LAMB1: variants seen among roughly 807,000 people sequenced by gnomAD.
LAMB1 encodes the protein laminin subunit beta-1.
In LAMB1, 121 loss-of-function variants were observed where a neutral mutation model predicts 222.3. That is an observed-to-expected ratio of 0.54 (90% CI 0.47 to 0.63). The LOEUF (loss-of-function observed/expected upper bound fraction) is 0.63, where lower values mean the gene tolerates loss of function less well. Ranked by LOEUF, LAMB1 falls within the 30% of genes least tolerant of loss-of-function variation. LAMB1 has a pLI of 0.00. For missense variants in LAMB1, 2,172 were observed against 2,240.8 expected, an observed-to-expected ratio of 0.97 and a Z score of 0.62; for synonymous variants, 794 against 807.2, an observed-to-expected ratio of 0.98 and a Z score of 0.28.
At chr7:107,994,224 G>A (rs1190684387) in intron 5 of LAMB1, among the ~76,000 whole-genome samples, 1 of 152,122 alleles carries the variant, frequency 6.6e-6, no homozygotes, top group Non-Finnish European at 1.5e-5. Flanking sequence ...AGAAACAAAG[G>A]GACTTTGTAC....
Position 107,960,581 on chromosome 7 carries a change from G to A in LAMB1, c.2178C>T (p.Val726=). The A allele has an allele frequency of 6.2e-7, 1 of 1,614,182 alleles. No homozygotes were observed. ...GAAAGGTTTCCCAGGCACTGTTGGT[G>A]ACCACCCCATCTCCTGAACCTCCCA... ...FTVGGSGDGV[V]TNSAWETFQR... is the part of the protein sequence containing the mutation. The change falls in exon 18 of 34, where the codon GTC becomes GTT. Residue 726 remains valine (V), a synonymous_variant. Transcript: ENST00000222399.
chr7:107,960,187 T>C (rs1185581833), intron 18 of LAMB1, among the ~76,000 whole-genome samples: 1 of 152,200 alleles, frequency 6.6e-6, no homozygotes, highest in Non-Finnish European at 1.5e-5. Flanking sequence ...CTACCCTGCT[T>C]ATGGAAATGC....
At chr7:107,955,167 G>A (rs3735600) in intron 21 of LAMB1, among the ~76,000 whole-genome samples, 1 of 152,140 alleles carries the variant, frequency 6.6e-6, no homozygotes, top group Non-Finnish European at 1.5e-5. Context: ...AAGAAAGGCA[G>A]GAGTAAAACT....
intron 12 of LAMB1, among the ~76,000 whole-genome samples, chr7:107,974,023 T>G (rs1027690852): frequency 1.3e-5 from 2 of 152,146 alleles, no homozygotes; most frequent in African/African-American, 4.8e-5. Flanking sequence ...GCATTCCTCC[T>G]GCCTTGGCCA....
intron 4 of LAMB1, among the ~76,000 whole-genome samples, chr7:107,997,610 CTTAT>C (rs947059345): frequency 1.3e-5 from 2 of 152,048 alleles, no homozygotes; most frequent in East Asian, 3.8e-4. Flanking sequence ...TTTGAGGATA[CTTAT>C]TTATTTATTT....
chr7:107,975,483 A>G lies in LAMB1; in HGVS notation c.1190-70T>C, dbSNP rs1381724082. The G allele has an allele frequency of 3.5e-6, 5 of 1,415,554 alleles. No homozygotes were observed. The Admixed American group carries it at 9.8e-5, about 28-fold the overall frequency. The allele number at this position is 1,415,554 out of a possible 1,614,324, so 87.7% of individuals were successfully genotyped here. A position where few individuals can be genotyped will look rare whatever the true frequency, so the allele number is the denominator to read the frequency against. ...AATGTATCTTTGTATAAATACATATATTCCCTTCCTCCCTCTAAATCTCAC... is the reference window on the plus strand; with the variant it reads ...AATGTATCTTTGTATAAATACATATGTTCCCTTCCTCCCTCTAAATCTCAC... On this transcript the variant is annotated intron_variant, in intron 10 of 33. Transcript: ENST00000222399.
chr7:107,977,494 C>T (rs1286996540), intron 9 of LAMB1, among the ~76,000 whole-genome samples: 2 of 152,136 alleles, frequency 1.3e-5, no homozygotes, highest in African/African-American at 4.8e-5. Context: ...GTCATCTTGC[C>T]TTAAAAACAG....
chr7:107,971,066 T>G (rs2033739457), intron 13 of LAMB1, among the ~76,000 whole-genome samples: 1 of 152,162 alleles, frequency 6.6e-6, no homozygotes, highest in Non-Finnish European at 1.5e-5. Flanking sequence ...AGGTTAGTTG[T>G]CAATATAATA....
rs187275622 is a variant in LAMB1 at position 107,935,332 on chromosome 7, G to A, written c.4188+83C>T. ...AATTATTGTAATAATGACAAAAGAT[G>A]GTTTGTTTTTCTTTGTTTTTTTTTT... is the stretch of plus-strand genomic sequence containing the variant. On this transcript the variant is annotated intron_variant, in intron 27 of 33. Coordinates refer to ENST00000222399, the MANE Select transcript of LAMB1 (RefSeq NM_002291.3). 1.1e-4 allele frequency: 171 copies of A among 1,506,662 alleles called. No individual in the cohort carries two copies. The African/African-American group carries it at 2.2e-3, about 20-fold the overall frequency. The allele number at this position is 1,506,662 out of a possible 1,614,324, so 93.3% of individuals were successfully genotyped here. A position where few individuals can be genotyped will look rare whatever the true frequency, so the allele number is the denominator to read the frequency against.
Position 107,972,128 on chromosome 7 carries a change from G to A in LAMB1, c.1562+864C>T, listed in dbSNP as rs535627869. On this transcript the variant is annotated intron_variant, in intron 13 of 33. Transcript: ENST00000222399. The stretch of plus-strand genomic sequence containing the variant: ...CACCGGATTTCAGAGGCTACATGCT[G>A]TACTGGGTCTATGGCACGACCTCGA... 1.5e-3 allele frequency among the ~76,000 whole-genome samples: 224 copies of A among 152,328 alleles called. 1 individual carries two copies. The highest frequency in any genetic ancestry group is 5.1e-3 in the African/African-American group (210 of 41,570).
chr7:107,990,950 T>C (rs1328607583), intron 5 of LAMB1, among the ~76,000 whole-genome samples: 1 of 152,238 alleles, frequency 6.6e-6, no homozygotes, highest in Non-Finnish European at 1.5e-5. Context: ...AATGCTGACA[T>C]CAACAGAGCC....
rs1475836262 is a variant in LAMB1, at chr7:107,924,395, G to A, written c.5065-6C>T. On this transcript the variant is annotated splice_region_variant and splice_polypyrimidine_tract_variant and intron_variant, in intron 32 of 33. Coordinates refer to ENST00000222399, the MANE Select transcript of LAMB1 (RefSeq NM_002291.3). Reference sequence around the variant, plus strand: ...TCAAGTTCACCATCTAAAGTCTATAGTTCCACATTTAGACAGAAAGAAGTG... The same window carrying A: ...TCAAGTTCACCATCTAAAGTCTATAATTCCACATTTAGACAGAAAGAAGTG... 6.3e-7 allele frequency: 1 copy of A among 1,593,002 alleles called. No homozygotes were observed. The highest frequency in any genetic ancestry group is 8.6e-7 in the Non-Finnish European group (1 of 1,167,684).
At chr7:107,983,059 C>A (rs1396583261) in intron 7 of LAMB1, among the ~76,000 whole-genome samples, 2 of 152,194 alleles carry the variant, frequency 1.3e-5, no homozygotes, top group East Asian at 3.9e-4. Context: ...CATTTTGAGA[C>A]ATGCAGGAAA....
In LAMB1 at chr7:107,940,307, G is replaced by T; in HGVS notation, c.3443C>A (p.Thr1148Lys). ...GIETPQCDQS[T>K]GQCVCVEGVE... ...ACCCTCAACGCAGACACACTGGCCC[G>T]TGGACTGGTCACACTGTGGCGTCTC... Residue 1148 changes from threonine (T) to lysine (K), a missense_variant, in exon 25 of 34, where the codon ACG (threonine) becomes AAG (lysine). Thr to Lys is a moderately conservative substitution (Grantham distance 78). Transcript: ENST00000222399. 1 of 1,614,176 alleles carries T rather than the reference G, an allele frequency of 6.2e-7. No homozygotes were observed. The highest frequency in any genetic ancestry group is 8.5e-7 in the Non-Finnish European group (1 of 1,180,004).
chr7:107,961,551 T>C lies in LAMB1; in HGVS notation c.1983A>G (p.Ser661=). Residue 661 remains serine (S), a splice_region_variant and synonymous_variant, in exon 16 of 34, where the codon TCA becomes TCG. Coordinates refer to ENST00000222399, the MANE Select transcript of LAMB1 (RefSeq NM_002291.3). ...TGCCAAACCACCGTCACACTGACCT[T>C]GAGCCTGGTGATAATGACACCACCT... ...DNQVVSLSPG[S]RYVVLPRPVC... 6.2e-7 allele frequency: 1 copy of C among 1,613,380 alleles called. No homozygotes were observed. Among genetic ancestry groups the C allele is most frequent in the Non-Finnish European group, 8.5e-7 (1 of 1,179,320 alleles).
At chr7:107,963,953 C>A (rs2033568808) in intron 14 of LAMB1, among the ~76,000 whole-genome samples, 1 of 152,196 alleles carries the variant, frequency 6.6e-6, no homozygotes, top group African/African-American at 2.4e-5. Context: ...ACAAAATTAG[C>A]CAGGCGTGGT....
At chr7:107,965,176 G>A (rs770869430) in intron 13 of LAMB1, among the ~76,000 whole-genome samples, 18 of 152,174 alleles carry the variant, frequency 1.2e-4, no homozygotes, top group African/African-American at 2.4e-4. Flanking sequence ...TTTAGTCCCC[G>A]TTCTTCTCCA....
intron 16 of LAMB1, 28 bp from the exon 17 acceptor site, chr7:107,961,357 C>G (rs764137731): frequency 6.2e-7 from 1 of 1,610,548 alleles, no homozygotes; most frequent in Non-Finnish European, 8.5e-7. Context: ...AGAAAGACAA[C>G]AACGAAAGTC....
chr7:107,963,163 G>T (rs1260289058), intron 14 of LAMB1, 100 bp from the exon 15 acceptor site: 2 of 1,147,728 alleles, frequency 1.7e-6, no homozygotes, highest in Non-Finnish European at 2.5e-6. Context: ...TTCAAAAAGG[G>T]TGGCTACCTT....
Sources: allele counts gnomAD v4.1 joint callset (sites outside exome capture counted in the v4.1 genomes callset), GRCh38; gene constraint gnomAD v4.1.1; transcripts MANE v1.5; gene names NCBI Gene and HGNC (gene_info 2026-07-23, HGNC 2026-07-21).